Variants in KCNIP4 observed in about 807,000 individuals in gnomAD.
The protein encoded by KCNIP4 is potassium voltage-gated channel interacting protein 4.
In KCNIP4, 12 loss-of-function variants were observed where a neutral mutation model predicts 34.0. The ratio of observed to expected loss-of-function variants is 0.35; its 90% CI spans 0.23 to 0.57. The LOEUF is 0.57. KCNIP4 is among the 20% of genes least tolerant of loss of function. KCNIP4 has a pLI of 0.83. For synonymous variants in KCNIP4, 124 were observed against 102.2 expected (o/e 1.21, Z -1.29); for missense variants, 238 against 311.7 (o/e 0.76, Z 1.78).
chr4:21,166,767 CG>C, intron 1 of KCNIP4, among the ~76,000 whole-genome samples: 1 of 151,846 alleles, frequency 6.6e-6, no homozygotes, highest in Non-Finnish European at 1.5e-5. Context: ...GGCAAAACCC[CG>C]TCTCTGCTAA....
chr4:21,597,533 A>C (rs2109110919), intron 1 of KCNIP4, among the ~76,000 whole-genome samples: 1 of 152,290 alleles, frequency 6.6e-6, no homozygotes, highest in Non-Finnish European at 1.5e-5. Context: ...TGTCTCAGAA[A>C]GCTGAGGGGA....
intron 1 of KCNIP4, among the ~76,000 whole-genome samples, chr4:21,941,530 CTT>C (rs1462903795): frequency 6.6e-6 from 1 of 150,952 alleles, no homozygotes; most frequent in Non-Finnish European, 1.5e-5. Context: ...TCCCTAAAGA[CTT>C]TTCATGAGCA....
At chr4:21,054,138 T>C (rs28465048) in intron 1 of KCNIP4, among the ~76,000 whole-genome samples, 4,185 of 152,124 alleles carry the variant, frequency 0.028, 166 homozygotes, top group African/African-American at 0.095. Flanking sequence ...AGGCAAAAGA[T>C]ACAGAATAGC....
chr4:21,179,009 G>T (rs930720649), intron 1 of KCNIP4, among the ~76,000 whole-genome samples: 11 of 151,838 alleles, frequency 7.2e-5, no homozygotes, highest in Non-Finnish European at 1.2e-4. Flanking sequence ...CAGAGTTTGG[G>T]TTTTGCCATG....
At chr4:20,924,230 G>A (rs1729682904) in intron 1 of KCNIP4, among the ~76,000 whole-genome samples, 1 of 152,122 alleles carries the variant, frequency 6.6e-6, no homozygotes, top group Admixed American at 6.6e-5. Context: ...GTCCATATTA[G>A]GTTTTATTAT....
intron 1 of KCNIP4, among the ~76,000 whole-genome samples, chr4:20,943,917 G>C (rs1454462245): frequency 1.3e-5 from 2 of 152,312 alleles, no homozygotes; most frequent in East Asian, 1.9e-4. Context: ...GCACAAGGAA[G>C]ACTATGAATG....
chr4:21,155,233 C>T (rs1184835838), intron 1 of KCNIP4, among the ~76,000 whole-genome samples: 7 of 152,048 alleles, frequency 4.6e-5, no homozygotes, highest in East Asian at 3.9e-4. Context: ...TAATATCCAT[C>T]GGTTTAAGCT....
intron 1 of KCNIP4, among the ~76,000 whole-genome samples, chr4:21,810,848 C>A (rs1304764699): frequency 1.3e-5 from 2 of 151,998 alleles, no homozygotes; most frequent in Admixed American, 1.3e-4. Flanking sequence ...ACATCAAACA[C>A]CAAAGACAAA....
chr4:21,308,595 T>C (rs531423187), intron 1 of KCNIP4, among the ~76,000 whole-genome samples: 6 of 152,156 alleles, frequency 3.9e-5, no homozygotes, highest in Admixed American at 3.3e-4. Context: ...AAGCATTCAA[T>C]GAAACAAACA....
At chr4:21,891,682 T>C (rs1185504941) in intron 1 of KCNIP4, among the ~76,000 whole-genome samples, 2 of 152,100 alleles carry the variant, frequency 1.3e-5, no homozygotes, top group Non-Finnish European at 2.9e-5. Context: ...TCTCATAACA[T>C]TTTGTCCAAA....
At chr4:21,423,722 A>G (rs939671317) in intron 1 of KCNIP4, among the ~76,000 whole-genome samples, 7 of 152,188 alleles carry the variant, frequency 4.6e-5, no homozygotes, top group African/African-American at 7.2e-5. Flanking sequence ...ACTAAAATCC[A>G]TAGAGACAAA....
chr4:21,771,009 C>T (rs1471235353), intron 1 of KCNIP4, among the ~76,000 whole-genome samples: 2 of 152,116 alleles, frequency 1.3e-5, no homozygotes, highest in African/African-American at 4.8e-5. Flanking sequence ...TGCATGAAGT[C>T]TTTGCCCATG....
chr4:20,916,263 T>C, intron 1 of KCNIP4: 1 of 943,590 alleles, frequency 1.1e-6, no homozygotes, highest in Non-Finnish European at 1.3e-6. Flanking sequence ...CTCTCTTCTC[T>C]GACCTCCACC....
At chr4:21,836,936 G>A (rs1468282219) in intron 1 of KCNIP4, among the ~76,000 whole-genome samples, 3 of 43,564 alleles carry the variant, frequency 6.9e-5, no homozygotes, top group African/African-American at 3.8e-4. Context: ...TTTTTTTTTT[G>A]AGACAGAGTC....
At chr4:21,024,307 T>C (rs532887755) in intron 1 of KCNIP4, among the ~76,000 whole-genome samples, 5 of 152,334 alleles carry the variant, frequency 3.3e-5, no homozygotes, top group African/African-American at 1.2e-4. Context: ...GTCCTCTCTT[T>C]AGCCAATTCT....
chr4:21,621,630 T>C (rs1745003707), intron 1 of KCNIP4, among the ~76,000 whole-genome samples: 1 of 152,114 alleles, frequency 6.6e-6, no homozygotes, highest in Admixed American at 6.5e-5. Context: ...AGTGCTGGAA[T>C]TAGAGGCACG....
chr4:21,117,447 T>A (rs1749795128), intron 1 of KCNIP4, among the ~76,000 whole-genome samples: 1 of 152,130 alleles, frequency 6.6e-6, no homozygotes, highest in South Asian at 2.1e-4. Flanking sequence ...CATTCTCTAT[T>A]TTTTAATAGA....
At chr4:20,885,928 T>A (rs1385712998) in intron 1 of KCNIP4, among the ~76,000 whole-genome samples, 1 of 152,206 alleles carries the variant, frequency 6.6e-6, no homozygotes, top group Non-Finnish European at 1.5e-5. Flanking sequence ...CAGATTTCAG[T>A]TCAATAACTT....
chr4:21,900,651 C>T (rs887800069), intron 1 of KCNIP4, among the ~76,000 whole-genome samples: 2 of 152,166 alleles, frequency 1.3e-5, no homozygotes, highest in Non-Finnish European at 1.5e-5. Context: ...GAATATACTA[C>T]ATTTGTAAAA....
Sources: allele counts gnomAD v4.1 joint callset (sites outside exome capture counted in the v4.1 genomes callset), GRCh38; gene constraint gnomAD v4.1.1; transcripts MANE v1.5; gene names NCBI Gene and HGNC (gene_info 2026-07-23, HGNC 2026-07-21).